The following RBP4 variants were observed in gnomAD, a reference collection of about 807,000 sequenced individuals.
The protein encoded by RBP4 is retinol-binding protein 4.
Under a neutral mutation model 26.2 loss-of-function variants are expected in RBP4, and 9 were observed. The observed-to-expected ratio is 0.34, with a 90% CI of 0.21 to 0.60. The LOEUF is 0.60. RBP4 is among the 20% of genes least tolerant of loss of function. The pLI is 0.80. For missense variants in RBP4, 244 were observed against 271.3 expected, an observed-to-expected ratio of 0.90 and a Z score of 0.71; for synonymous variants, 114 against 111.0, an observed-to-expected ratio of 1.03 and a Z score of -0.17.
At chr10:93,601,386 C>A (rs369264892), upstream of RBP4, 2,818 of 1,268,790 alleles carry the variant, frequency 2.2e-3, 56 homozygotes, top group African/African-American at 0.037. Context: ...GGGCAGGGTC[C>A]CTGTGGGCCG....
At chr10:93,601,631 T>C (rs1445810899), upstream of RBP4, 1 of 772,560 alleles carries the variant, frequency 1.3e-6, no homozygotes, top group African/African-American at 1.7e-5. Flanking sequence ...CCCTGGTGCG[T>C]GAGTGCCCAG....
chr10:93,594,973 C>A (rs2058293848), intron 4 of RBP4, among the ~76,000 whole-genome samples: 1 of 151,944 alleles, frequency 6.6e-6, no homozygotes, highest in East Asian at 1.9e-4. Flanking sequence ...GACCTGGTAT[C>A]TATGAAAAAT....
chr10:93,596,680 A>G (rs1009423220), intron 4 of RBP4, among the ~76,000 whole-genome samples: 1 of 152,204 alleles, frequency 6.6e-6, no homozygotes, highest in Admixed American at 6.5e-5. Context: ...CTGTACCTAC[A>G]CAGACTGGTT....
intron 5 of RBP4, among the ~76,000 whole-genome samples, chr10:93,593,070 G>A (rs1589683520): frequency 6.6e-6 from 1 of 152,006 alleles, no homozygotes; most frequent in Non-Finnish European, 1.5e-5. Flanking sequence ...AGCCCACCTC[G>A]GCCTCCAAAA....
chr10:93,601,456 A>G (rs751125955), upstream of RBP4: 524 of 1,038,894 alleles, frequency 5.0e-4, no homozygotes, highest in Middle Eastern at 6.6e-4. Flanking sequence ...GGCCTCGGCC[A>G]GGCCAAATGC....
chr10:93,601,364 G>A (rs1232319181), upstream of RBP4: 1 of 1,248,188 alleles, frequency 8.0e-7, no homozygotes, highest in African/African-American at 1.6e-5. Flanking sequence ...TGACTCACCG[G>A]AGCCCGGGCA....
chr10:93,599,370 G>A (rs2058321583), intron 4 of RBP4, among the ~76,000 whole-genome samples: 2 of 152,302 alleles, frequency 1.3e-5, no homozygotes, highest in South Asian at 2.1e-4. Context: ...AGAGCAAAGG[G>A]TTACAATAAA....
chr10:93,598,140 G>A (rs768339803), intron 4 of RBP4, among the ~76,000 whole-genome samples: 8 of 152,150 alleles, frequency 5.3e-5, no homozygotes, highest in Non-Finnish European at 8.8e-5. Context: ...TAAAACAAGA[G>A]ACTTGAACCC....
At position 93,593,931 on chromosome 10, in the gene RBP4, C is replaced by A. The variant is rs759129264; in HGVS notation, c.460G>T (p.Val154Leu). 3 of 1,614,066 alleles carry A rather than the reference C, an allele frequency of 1.9e-6. No individual in the cohort carries two copies. Among genetic ancestry groups the A allele is most frequent in the Non-Finnish European group, 1.7e-6 (2 of 1,180,046 alleles). ...DGTCADSYSF[V>L]FSRDPNGLPP... ...AGGCCGTTGGGGTCCCGGGAAAACA[C>A]GAAGGAGTAGCTGTCAGCACAGGTG... The change falls in exon 5 of 6, where the codon GTG becomes TTG. Residue 154 changes from valine (V) to leucine (L), a missense_variant. Coordinates refer to ENST00000371464, the MANE Select transcript of RBP4 (RefSeq NM_006744.4).
At chr10:93,601,655 C>G, upstream of RBP4, 4 of 777,908 alleles carry the variant, frequency 5.1e-6, no homozygotes, top group South Asian at 5.4e-5. Context: ...CTGGCCATGC[C>G]AAATTGGCGC....
chr10:93,593,749 C>G, intron 5 of RBP4, 74 bp downstream of exon 5: 1 of 1,501,034 alleles, frequency 6.7e-7, no homozygotes. Flanking sequence ...ATGAATTTCA[C>G]TAGCACGTGG....
At chr10:93,601,088 C>A in intron 1 of RBP4, 42 bp from the exon 2 acceptor site, 2 of 1,586,766 alleles carry the variant, frequency 1.3e-6, no homozygotes, top group Non-Finnish European at 1.7e-6. Flanking sequence ...CAGCCGACCC[C>A]CGCCGCCGTA....
At chr10:93,593,701 C>A (rs1224304941) in intron 5 of RBP4, 122 bp downstream of exon 5, 1 of 1,142,070 alleles carries the variant, frequency 8.8e-7, no homozygotes. Context: ...CAGAAAGGGG[C>A]TCCCAAGAAC....
chr10:93,597,995 C>T (rs966711348), intron 4 of RBP4, among the ~76,000 whole-genome samples: 3 of 152,188 alleles, frequency 2.0e-5, no homozygotes, highest in Admixed American at 1.3e-4. Context: ...ATGCCATTTG[C>T]GAGATACTCA....
intron 5 of RBP4, among the ~76,000 whole-genome samples, chr10:93,592,958 C>T (rs1306199344): frequency 3.9e-5 from 6 of 152,162 alleles, no homozygotes; most frequent in Admixed American, 3.9e-4. Flanking sequence ...GCTGGGATTA[C>T]AGGCGCATGC....
intron 4 of RBP4, among the ~76,000 whole-genome samples, chr10:93,596,239 A>G (rs1046840488): frequency 6.8e-6 from 1 of 147,408 alleles, no homozygotes; most frequent in East Asian, 2.0e-4. Flanking sequence ...GGTCGCCATC[A>G]TTTAAATTTT....
chr10:93,601,421 G>T (rs2058338893), upstream of RBP4: 2 of 1,276,188 alleles, frequency 1.6e-6, no homozygotes, highest in Non-Finnish European at 2.0e-6. Flanking sequence ...ACAGCCTCGG[G>T]CACAGTGGAG....
upstream of RBP4, chr10:93,601,634 G>A (rs1165978743): frequency 3.9e-6 from 3 of 773,626 alleles, no homozygotes; most frequent in South Asian, 2.7e-5. Flanking sequence ...TGGTGCGTGA[G>A]TGCCCAGGCC....
chr10:93,593,708 G>T, intron 5 of RBP4, 115 bp downstream of exon 5: 1 of 1,238,412 alleles, frequency 8.1e-7, no homozygotes, highest in Non-Finnish European at 1.2e-6. Flanking sequence ...GGGCTCCCAA[G>T]AACCCCTGTT....
Sources: allele counts gnomAD v4.1 joint callset (sites outside exome capture counted in the v4.1 genomes callset), GRCh38; gene constraint gnomAD v4.1.1; transcripts MANE v1.5; gene names NCBI Gene and HGNC (gene_info 2026-07-23, HGNC 2026-07-21).